ASB5: variants seen among roughly 807,000 people sequenced by gnomAD.
ASB5 encodes ankyrin repeat and SOCS box containing 5.
In ASB5, 45 loss-of-function variants were observed where a neutral mutation model predicts 42.1. The ratio of observed to expected loss-of-function variants is 1.07; its 90% confidence interval spans 0.84 to 1.37. ASB5 has a LOEUF of 1.37. ASB5 is among the 40% of genes most tolerant of loss of function. The pLI, the probability that ASB5 is intolerant of heterozygous loss-of-function variation, is 0.00. For missense variants in ASB5, 402 were observed against 399.8 expected (o/e 1.01, Z -0.05); for synonymous variants, 147 against 150.6 (o/e 0.98, Z 0.18).
intron 1 of ASB5, among the ~76,000 whole-genome samples, chr4:176,276,252 T>C (rs773083137): frequency 6.6e-6 from 1 of 152,210 alleles, no homozygotes; most frequent in Admixed American, 6.5e-5. Flanking sequence ...TACATTGTAA[T>C]TATTACTTTT....
chr4:176,217,912 G>A (rs995096131), intron 5 of ASB5, among the ~76,000 whole-genome samples: 4 of 151,766 alleles, frequency 2.6e-5, no homozygotes, highest in African/African-American at 9.7e-5. Context: ...TACAGTTAAA[G>A]TGTCCCTTTA....
chr4:176,252,563 T>C (rs760375503), intron 1 of ASB5, among the ~76,000 whole-genome samples: 4 of 152,208 alleles, frequency 2.6e-5, no homozygotes, highest in African/African-American at 4.8e-5. Flanking sequence ...GTAATGATAT[T>C]GACTTGATGA....
chr4:176,260,416 A>G (rs893191130), intron 1 of ASB5, among the ~76,000 whole-genome samples: 9 of 152,236 alleles, frequency 5.9e-5, no homozygotes, highest in Non-Finnish European at 1.0e-4. Context: ...CATCTAATAA[A>G]TGTTCACCTT....
At chr4:176,249,064 C>T (rs1753967457) in intron 1 of ASB5, among the ~76,000 whole-genome samples, 1 of 152,128 alleles carries the variant, frequency 6.6e-6, no homozygotes, top group Non-Finnish European at 1.5e-5. Flanking sequence ...CTTCCCGGGT[C>T]CCAACGATTC....
At chr4:176,230,234 T>C (rs1753498569) in intron 1 of ASB5, among the ~76,000 whole-genome samples, 1 of 152,182 alleles carries the variant, frequency 6.6e-6, no homozygotes, top group African/African-American at 2.4e-5. Flanking sequence ...GATTTTAAGA[T>C]GAGTTTTAGG....
chr4:176,260,362 G>C lies in ASB5; in HGVS notation c.196+8551C>G, dbSNP rs934652032. 2.6e-5 allele frequency among the ~76,000 whole-genome samples: 4 copies of C among 152,006 alleles called. No individual in the cohort carries two copies. The South Asian group carries it at 8.3e-4, about 32-fold the overall frequency. ...ACAGATTTTTAAAATCCTTTTCCAT[G>C]GTAACCAATGAGGAATTGTAGAATG... On this transcript the variant is annotated intron_variant, in intron 1 of 6. Transcript: ENST00000296525.
intron 1 of ASB5, among the ~76,000 whole-genome samples, chr4:176,235,765 A>G (rs1561258621): frequency 6.6e-6 from 1 of 152,034 alleles, no homozygotes; most frequent in South Asian, 2.1e-4. Context: ...GTAAAGCTAA[A>G]TCTAGTGAAA....
At chr4:176,234,048 C>G (rs1346795964) in intron 1 of ASB5, among the ~76,000 whole-genome samples, 1 of 152,182 alleles carries the variant, frequency 6.6e-6, no homozygotes, top group Non-Finnish European at 1.5e-5. Flanking sequence ...GTATCTCAGC[C>G]TCCACCACTA....
chr4:176,272,997 G>C (rs998502075), upstream of ASB5, among the ~76,000 whole-genome samples: 1 of 146,956 alleles, frequency 6.8e-6, no homozygotes, highest in African/African-American at 2.5e-5. Context: ...ACCCAGGCTG[G>C]AGAGTGCAGT....
intron 2 of ASB5, among the ~76,000 whole-genome samples, chr4:176,223,891 T>A (rs1753294510): frequency 6.6e-6 from 1 of 152,144 alleles, no homozygotes; most frequent in African/African-American, 2.4e-5. Flanking sequence ...ACACGGCCCT[T>A]TCTGAGGAAT....
At chr4:176,277,467 C>G (rs1754582247) in exon 1 of ASB5, 1 of 152,106 alleles carries the variant, frequency 6.6e-6, no homozygotes, top group Non-Finnish European at 1.5e-5. Flanking sequence ...AATCGATTTT[C>G]TCTCGATCCT....
intron 1 of ASB5, among the ~76,000 whole-genome samples, chr4:176,234,630 T>A (rs974373504): frequency 6.6e-6 from 1 of 152,190 alleles, no homozygotes; most frequent in African/African-American, 2.4e-5. Flanking sequence ...TCAGTGAATG[T>A]TTGTTGCATG....
At chr4:176,246,738 G>A (rs138920083) in intron 1 of ASB5, among the ~76,000 whole-genome samples, 4 of 152,306 alleles carry the variant, frequency 2.6e-5, no homozygotes, top group Admixed American at 1.3e-4. Flanking sequence ...TTCAGAAGAC[G>A]TGATGGTTAA....
rs571403122 is a variant in ASB5 at position 176,241,548 on chromosome 4, C to T, written c.197-16207G>A. 3,174 of 1,525,898 alleles carry T rather than the reference C, an allele frequency of 2.1e-3. 7 individuals are homozygous for T. Among genetic ancestry groups the T allele is most frequent in the Non-Finnish European group, 2.6e-3 (2,931 of 1,144,434 alleles). 94.5% of individuals were successfully genotyped at this position (1,525,898 alleles called of 1,614,324 possible). On this transcript the variant is annotated intron_variant, in intron 1 of 6. Transcript: ENST00000296525. Reference sequence around the variant, plus strand: ...TCAGAGGCTGTGCTGCTTTGGGTTTCTTTACAAGGCCGTGCCCTCATACAA... The same window carrying T: ...TCAGAGGCTGTGCTGCTTTGGGTTTTTTTACAAGGCCGTGCCCTCATACAA...
At chr4:176,218,613 G>T (rs1459439095) in intron 5 of ASB5, among the ~76,000 whole-genome samples, 1 of 101,806 alleles carries the variant, frequency 9.8e-6, no homozygotes, top group Non-Finnish European at 1.8e-5. Context: ...ATATATGTAT[G>T]ATATATAAAT....
upstream of ASB5, among the ~76,000 whole-genome samples, chr4:176,271,427 C>T (rs575536519): frequency 3.3e-5 from 5 of 152,172 alleles, no homozygotes; most frequent in South Asian, 1.0e-3. Flanking sequence ...ATTTTCATTT[C>T]GTCAGGAAAA....
intron 1 of ASB5, among the ~76,000 whole-genome samples, chr4:176,261,403 C>T (rs951987424): frequency 6.6e-6 from 1 of 152,156 alleles, no homozygotes; most frequent in South Asian, 2.1e-4. Context: ...TTAGAAAGTT[C>T]TTAACAGAAC....
rs181960689 is a variant in ASB5 at position 176,247,765 on chromosome 4, G to A, written c.196+21148C>T. Among the ~76,000 whole-genome samples the A allele has an allele frequency of 7.8e-4, 119 of 152,242 alleles. 2 individuals carry two copies. The highest frequency in any genetic ancestry group is 5.1e-3 in the Admixed American group (78 of 15,298). ...ATTTTTAAGATGAATTCCACAAAAAGTCTTAATCAAAGTGGAAAGGATTTG... is the reference window on the plus strand; with the variant it reads ...ATTTTTAAGATGAATTCCACAAAAAATCTTAATCAAAGTGGAAAGGATTTG... On this transcript the variant is annotated intron_variant, in intron 1 of 6. Transcript: ENST00000296525.
intron 1 of ASB5, among the ~76,000 whole-genome samples, chr4:176,229,579 C>T (rs985122763): frequency 3.9e-5 from 6 of 152,046 alleles, no homozygotes; most frequent in African/African-American, 9.7e-5. Flanking sequence ...GTATCCAAAT[C>T]GCATCCCCCT....
Sources: gnomAD v4.1 joint callset for allele counts (sites outside exome capture counted in the v4.1 genomes callset) on GRCh38, gnomAD v4.1.1 for gene constraint, MANE v1.5 for transcripts, NCBI Gene and HGNC (gene_info 2026-07-23, HGNC 2026-07-21) for gene names.